Variants in PRIMA1 observed in about 807,000 individuals in gnomAD.
PRIMA1 encodes proline rich membrane anchor 1, also known as proline-rich membrane anchor 1.
A neutral mutation model predicts 17.5 loss-of-function variants in PRIMA1; 7 were observed. The ratio of observed to expected loss-of-function variants is 0.40; its 90% CI spans 0.23 to 0.75. The LOEUF (loss-of-function observed/expected upper bound fraction) is 0.75. Among genes scored for constraint, PRIMA1 ranks in the 30% least tolerant of loss-of-function variants. The pLI, the probability that PRIMA1 is intolerant of heterozygous loss-of-function variation, is 0.37. For synonymous variants in PRIMA1, 97 were observed against 77.9 expected (o/e 1.25, Z -1.29); for missense variants, 200 against 201.8 (o/e 0.99, Z 0.05).
chr14:93,754,278 A>C (rs934045497), intron 3 of PRIMA1, among the ~76,000 whole-genome samples: 3 of 152,070 alleles, frequency 2.0e-5, no homozygotes, highest in Non-Finnish European at 1.5e-5. Flanking sequence ...CACAATCCCA[A>C]TTGTGGAGTT....
chr14:93,763,384 C>T (rs78978278), intron 3 of PRIMA1, among the ~76,000 whole-genome samples: 7,012 of 152,214 alleles, frequency 0.046, 409 homozygotes, highest in African/African-American at 0.14. Context: ...CATTGCCTAC[C>T]CTGGGAGGCC....
intron 3 of PRIMA1, among the ~76,000 whole-genome samples, chr14:93,757,311 C>T (rs1001115261): frequency 2.0e-5 from 3 of 152,212 alleles, no homozygotes; most frequent in African/African-American, 7.2e-5. Context: ...CAGCCACCAC[C>T]ACCAGCTCGA....
In PRIMA1 at chr14:93,781,028, C is replaced by T. The variant is rs80337885; in HGVS notation, c.94-1717G>A. On this transcript the variant is annotated intron_variant, in intron 2 of 4. Transcript: ENST00000393140. ...CCCCCCGGGGCTGGGAGGCTCCCAT[C>T]GCACCTGGAAGATGTGGAGAAGTAA... Among the ~76,000 whole-genome samples, 7 of 152,362 alleles carry T rather than the reference C, an allele frequency of 4.6e-5. No homozygotes were observed. The East Asian group carries it at 5.8e-4, about 13-fold the overall frequency.
intron 3 of PRIMA1, among the ~76,000 whole-genome samples, chr14:93,757,199 AAAGGAAGGAAGG>A (rs113474280): frequency 6.6e-5 from 10 of 150,982 alleles, no homozygotes; most frequent in African/African-American, 2.0e-4. Flanking sequence ...GGGTTTAAAA[AAAGGAAGGAAGG>A]AAGGAAGGAA....
At chr14:93,768,591 T>C (rs554737811) in intron 3 of PRIMA1, among the ~76,000 whole-genome samples, 1 of 152,284 alleles carries the variant, frequency 6.6e-6, no homozygotes, top group East Asian at 1.9e-4. Context: ...CTATGTTGAA[T>C]TCACCTTTGT....
chr14:93,783,484 C>T (rs143941478), intron 2 of PRIMA1, among the ~76,000 whole-genome samples: 163 of 151,940 alleles, frequency 1.1e-3, no homozygotes, highest in African/African-American at 3.6e-3. Flanking sequence ...GAGGAAGCCT[C>T]GGGTGTCTGG....
At position 93,744,731 on chromosome 14, in the gene PRIMA1, CCT is replaced by C. The variant is rs77637066; in HGVS notation, c.230-7363_230-7362del. On this transcript the variant is annotated intron_variant, in intron 3 of 4. Transcript: ENST00000393140. ...GCTTCTGGGTTTAGCATGGAGACCC[CCT>C]GTTTCATAAGTCTCCCCAATTCCTC... Among the ~76,000 whole-genome samples the C allele has an allele frequency of 2.2e-4, 33 of 152,264 alleles. No individual in the cohort carries two copies. The East Asian group carries it at 4.1e-3, about 19-fold the overall frequency.
Position 93,721,285 on chromosome 14 carries a change from A to G in PRIMA1, c.*159T>C. 1.7e-6 allele frequency: 1 copy of G among 588,204 alleles called. No homozygotes were observed. The highest frequency in any genetic ancestry group is 2.1e-5 in the South Asian group (1 of 47,940). 36.4% of individuals were successfully genotyped at this position (588,204 alleles called of 1,614,324 possible). A position where few individuals can be genotyped will look rare whatever the true frequency, so the allele number is the denominator to read the frequency against. ...CTGGGCCCGCAGGCTGACCAGGGGC[A>G]AGCCTGGGAAGACAATGGTTTCTCC... On this transcript the variant is annotated 3_prime_UTR_variant, in exon 5 of 5. Transcript: ENST00000393140.
In PRIMA1 at chr14:93,726,977, A is replaced by C. The variant is rs773288937; in HGVS notation, c.360-5431T>G. On this transcript the variant is annotated intron_variant, in intron 4 of 4. Transcript: ENST00000393140. This position sits in a 1 kb window ranked among gnomAD's most constrained non-coding sequence, Gnocchi z 4.2. ...CACACACTCAGCGTTCCATGATGAGACTCCTCTGTAGACCTCAGACTTCCC... is the reference window on the plus strand; with the variant it reads ...CACACACTCAGCGTTCCATGATGAGCCTCCTCTGTAGACCTCAGACTTCCC... Among the ~76,000 whole-genome samples the C allele has an allele frequency of 2.6e-5, 4 of 151,998 alleles. No individual in the cohort carries two copies. The highest frequency in any genetic ancestry group is 4.8e-5 in the African/African-American group (2 of 41,372).
intron 3 of PRIMA1, among the ~76,000 whole-genome samples, chr14:93,756,870 C>G (rs2076293924): frequency 6.6e-6 from 1 of 152,128 alleles, no homozygotes; most frequent in Admixed American, 6.5e-5. Context: ...AGCAGCAAGT[C>G]CCCTTCAAAC....
intron 2 of PRIMA1, among the ~76,000 whole-genome samples, chr14:93,784,048 A>G (rs1468932385): frequency 6.6e-6 from 1 of 152,168 alleles, no homozygotes; most frequent in Non-Finnish European, 1.5e-5. Context: ...GGCCACCATC[A>G]GGTCTCCAGT....
intron 3 of PRIMA1, among the ~76,000 whole-genome samples, chr14:93,745,058 G>T (rs1368782242): frequency 1.3e-5 from 2 of 152,148 alleles, no homozygotes; most frequent in Non-Finnish European, 2.9e-5. Context: ...AGTGATGCTG[G>T]CTTGGCCTGT....
chr14:93,770,303 C>T (rs1211753156), intron 3 of PRIMA1, among the ~76,000 whole-genome samples: 1 of 152,216 alleles, frequency 6.6e-6, no homozygotes, highest in Non-Finnish European at 1.5e-5. Flanking sequence ...ACACCCCCTA[C>T]TCAAAACCCG....
intron 3 of PRIMA1, among the ~76,000 whole-genome samples, chr14:93,742,720 G>A (rs2076191936): frequency 6.6e-6 from 1 of 152,216 alleles, no homozygotes; most frequent in Admixed American, 6.5e-5. Flanking sequence ...TCCTCATAGG[G>A]TTTTTGTGAC....
chr14:93,746,221 C>G (rs2076217077), intron 3 of PRIMA1, among the ~76,000 whole-genome samples: 2 of 152,080 alleles, frequency 1.3e-5, no homozygotes, highest in South Asian at 4.1e-4. Context: ...GGAATGGTTT[C>G]CCAGCTCTTA....
chr14:93,778,040 C>T (rs913470711), intron 3 of PRIMA1, among the ~76,000 whole-genome samples: 2 of 152,158 alleles, frequency 1.3e-5, no homozygotes, highest in Admixed American at 6.5e-5. Flanking sequence ...GTGAGCATCC[C>T]GGGATAGAAG....
At chr14:93,756,602 C>T (rs998585500) in intron 3 of PRIMA1, among the ~76,000 whole-genome samples, 8 of 152,042 alleles carry the variant, frequency 5.3e-5, no homozygotes, top group African/African-American at 1.9e-4. Context: ...CCTTCAAGTC[C>T]CAGCCAGATG....
chr14:93,779,079 C>T (rs971529300), intron 3 of PRIMA1, 97 bp downstream of exon 3: 3 of 889,238 alleles, frequency 3.4e-6, no homozygotes, highest in East Asian at 3.0e-5. Context: ...GGAAAATTAC[C>T]AAGGAGGCAG....
At chr14:93,745,658 C>T (rs1482429473) in intron 3 of PRIMA1, among the ~76,000 whole-genome samples, 1 of 152,230 alleles carries the variant, frequency 6.6e-6, no homozygotes. Flanking sequence ...CTCCCTTCAA[C>T]CCCCTCTCCA....
Sources: allele counts gnomAD v4.1 joint callset (sites outside exome capture counted in the v4.1 genomes callset), GRCh38; gene constraint gnomAD v4.1.1; non-coding constraint Gnocchi (gnomAD v3.1); transcripts MANE v1.5; gene names NCBI Gene and HGNC (gene_info 2026-07-23, HGNC 2026-07-21).